Variants in FRMD3 observed in about 807,000 individuals in gnomAD.
The protein encoded by FRMD3 is FERM domain-containing protein 3.
A neutral mutation model predicts 70.2 loss-of-function variants in FRMD3; 33 were observed. That is an observed-to-expected ratio of 0.47 (90% CI 0.36 to 0.63). The LOEUF is 0.63. Among genes scored for constraint, FRMD3 ranks in the 20% least tolerant of loss-of-function variants. The probability of loss-of-function intolerance (pLI) is 0.00; values close to 1 mark genes in which losing one functional copy is unlikely to be tolerated. For synonymous variants in FRMD3, 279 were observed against 255.9 expected (o/e 1.09, Z -0.86); for missense variants, 632 against 711.4 (o/e 0.89, Z 1.27).
At chr9:83,557,347 A>G in the FRMD3 span, among the ~76,000 whole-genome samples, 2 of 152,256 alleles carry the variant, frequency 1.3e-5, no homozygotes, top group Non-Finnish European at 2.9e-5. Flanking sequence ...TTCTTTTATG[A>G]CATTGGTAAC....
At chr9:83,356,422 C>A (rs1824344464) in intron 3 of FRMD3, among the ~76,000 whole-genome samples, 1 of 151,648 alleles carries the variant, frequency 6.6e-6, no homozygotes, top group Non-Finnish European at 1.5e-5. Flanking sequence ...ACTACAGGCA[C>A]CCGCCACCAC....
chr9:83,346,196 C>A (rs1241537214), intron 4 of FRMD3, among the ~76,000 whole-genome samples: 1 of 127,796 alleles, frequency 7.8e-6, no homozygotes, highest in African/African-American at 3.0e-5. Context: ...GCAGAAGCTG[C>A]AATGAGCAGA....
At chr9:83,453,044 C>CG (rs1046554578) in intron 1 of FRMD3, among the ~76,000 whole-genome samples, 17 of 151,706 alleles carry the variant, frequency 1.1e-4, no homozygotes, top group Admixed American at 9.2e-4. Context: ...TTAGTAGACA[C>CG]GGGGTTTCGC....
At chr9:83,270,842 CA>C (rs1354027689) in intron 13 of FRMD3, among the ~76,000 whole-genome samples, 2 of 135,710 alleles carry the variant, frequency 1.5e-5, no homozygotes, top group Non-Finnish European at 3.1e-5. Context: ...AATACATGGT[CA>C]TTTTTTTTTT....
intron 7 of FRMD3, 73 bp downstream of exon 7, chr9:83,313,587 G>T: frequency 8.4e-7 from 1 of 1,186,366 alleles, no homozygotes; most frequent in Non-Finnish European, 1.3e-6. Context: ...GGCTCTGCCA[G>T]GCCTGCGCAC....
At chr9:83,558,966 T>TA in the FRMD3 span, among the ~76,000 whole-genome samples, 4 of 152,218 alleles carry the variant, frequency 2.6e-5, no homozygotes, top group Non-Finnish European at 4.4e-5. Flanking sequence ...AGTTGCTTCT[T>TA]ACAGATGAGC....
rs60674885 is a variant in FRMD3 at position 83,450,370 on chromosome 9, T to TTTTA, written c.148-60663_148-60662insTAAA. ...CAGTTTTTTTTTTTTTTTTTTTTTT[T>TTTTA]ATTATACTCTAAGTTTTAGGGTACA... On this transcript the variant is annotated intron_variant, in intron 1 of 13. Transcript: ENST00000304195. Among the ~76,000 whole-genome samples the TTTTA allele has an allele frequency of 7.2e-3, 872 of 120,684 alleles. 10 individuals carry two copies. The highest frequency in any genetic ancestry group is 0.029 in the South Asian group (115 of 3,944). 79.2% of individuals were successfully genotyped at this position (120,684 alleles called of 152,430 possible).
intron 13 of FRMD3, among the ~76,000 whole-genome samples, chr9:83,271,840 G>A (rs1833565179): frequency 6.6e-6 from 1 of 152,186 alleles, no homozygotes; most frequent in African/African-American, 2.4e-5. Context: ...ACAAAGTATA[G>A]TTCAAGCAGC....
At chr9:83,287,693 T>C (rs945278764) in intron 13 of FRMD3, among the ~76,000 whole-genome samples, 1 of 152,216 alleles carries the variant, frequency 6.6e-6, no homozygotes, top group Non-Finnish European at 1.5e-5. Context: ...ATCTCTCCCA[T>C]TTATTCCTTA....
At chr9:83,409,294 T>C (rs1826214768) in intron 1 of FRMD3, among the ~76,000 whole-genome samples, 1 of 152,222 alleles carries the variant, frequency 6.6e-6, no homozygotes, top group Non-Finnish European at 1.5e-5. Flanking sequence ...TGTTCAAAAA[T>C]GGGATCAGCT....
chr9:83,536,039 G>A (rs1829885279), intron 1 of FRMD3, among the ~76,000 whole-genome samples: 1 of 152,192 alleles, frequency 6.6e-6, no homozygotes, highest in Non-Finnish European at 1.5e-5. Context: ...AAAGTGTGAG[G>A]TCTAAAGTTA....
At chr9:83,260,306 C>T (rs897886912) in intron 13 of FRMD3, among the ~76,000 whole-genome samples, 1 of 152,092 alleles carries the variant, frequency 6.6e-6, no homozygotes, top group Non-Finnish European at 1.5e-5. Context: ...AGCAACAGAG[C>T]GGAGGTTTGT....
chr9:83,448,946 T>A (rs1351669942), intron 1 of FRMD3, among the ~76,000 whole-genome samples: 1 of 152,152 alleles, frequency 6.6e-6, no homozygotes, highest in Non-Finnish European at 1.5e-5. Context: ...CTTGCTCAGC[T>A]CTCTGTGATG....
downstream of FRMD3, chr9:83,244,479 T>C (rs1831993558): frequency 6.2e-6 from 1 of 161,074 alleles, no homozygotes; most frequent in African/African-American, 2.5e-5. Flanking sequence ...GTTAATCTAA[T>C]CTATTACCTG....
Position 83,245,183 on chromosome 9 carries a change from A to T in FRMD3, c.*2735T>A, listed in dbSNP as rs1047639603. ...ATGTTGTGTCTATTCAAAGACACAC[A>T]TATATACAGATTCATATATAAACAC... On this transcript the variant is annotated 3_prime_UTR_variant, in exon 14 of 14. Coordinates refer to ENST00000304195, the MANE Select transcript of FRMD3 (RefSeq NM_174938.6). The T allele has an allele frequency of 1.0e-6, 1 of 984,734 alleles. No individual in the cohort carries two copies. The highest frequency in any genetic ancestry group is 1.2e-6 in the Non-Finnish European group (1 of 829,270). 61.0% of individuals were successfully genotyped at this position (984,734 alleles called of 1,614,324 possible). A position where few individuals can be genotyped will look rare whatever the true frequency, so the allele number is the denominator to read the frequency against.
the FRMD3 span, among the ~76,000 whole-genome samples, chr9:83,565,851 A>T: frequency 6.6e-6 from 1 of 152,240 alleles, no homozygotes; most frequent in Non-Finnish European, 1.5e-5. Context: ...GAGTTAGGAA[A>T]TTGGTCTCCT....
At chr9:83,292,808 C>G (rs1834493604) in intron 12 of FRMD3, among the ~76,000 whole-genome samples, 1 of 152,130 alleles carries the variant, frequency 6.6e-6, no homozygotes, top group Non-Finnish European at 1.5e-5. Context: ...CCACCATGCC[C>G]AGCTAATTTT....
At chr9:83,342,662 A>G (rs1051726505) in intron 5 of FRMD3, among the ~76,000 whole-genome samples, 1 of 151,408 alleles carries the variant, frequency 6.6e-6, no homozygotes, top group Non-Finnish European at 1.5e-5. Flanking sequence ...ACACGAATAG[A>G]TAGGATGGAT....
In FRMD3 at chr9:83,537,861, G is replaced by A. The variant is rs1829933166; in HGVS notation, c.147+224C>T. Among the ~76,000 whole-genome samples the A allele has an allele frequency of 6.6e-6, 1 of 151,552 alleles. No individual in the cohort carries two copies. Among genetic ancestry groups the A allele is most frequent in the South Asian group, 2.1e-4 (1 of 4,818 alleles). On this transcript the variant is annotated intron_variant, in intron 1 of 13. Coordinates refer to ENST00000304195, the MANE Select transcript of FRMD3 (RefSeq NM_174938.6). This position sits in a 1 kb window ranked among gnomAD's most constrained non-coding sequence, Gnocchi z 4.1. Reference sequence around the variant, plus strand: ...CGCAGGGTGCACGCGAGGGGAAGGAGACTGGGCGCGGATAACGCGTGCCTG... The same window carrying A: ...CGCAGGGTGCACGCGAGGGGAAGGAAACTGGGCGCGGATAACGCGTGCCTG...
Sources: gnomAD v4.1 joint callset for allele counts (sites outside exome capture counted in the v4.1 genomes callset) on GRCh38, gnomAD v4.1.1 for gene constraint, Gnocchi (gnomAD v3.1) non-coding constraint, MANE v1.5 for transcripts, NCBI Gene and HGNC (gene_info 2026-07-23, HGNC 2026-07-21) for gene names.